Variants in TRAPPC11 observed in about 807,000 individuals in gnomAD.
TRAPPC11 encodes the protein trafficking protein particle complex subunit 11.
In TRAPPC11, 104 loss-of-function variants were observed where a neutral mutation model predicts 151.2. The observed-to-expected ratio is 0.69, with a 90% CI of 0.59 to 0.81. TRAPPC11 has a LOEUF of 0.81. Among genes scored for constraint, TRAPPC11 ranks in the 30% least tolerant of loss-of-function variants. The pLI is 0.00. For missense variants in TRAPPC11, 1,230 were observed against 1,349.6 expected (o/e 0.91, Z 1.39); for synonymous variants, 456 against 472.3 (o/e 0.97, Z 0.45).
At chr4:183,681,574 A>G (rs993532689) in intron 10 of TRAPPC11, among the ~76,000 whole-genome samples, 2 of 152,114 alleles carry the variant, frequency 1.3e-5, no homozygotes, top group African/African-American at 4.8e-5. Context: ...AGGTCAGGAG[A>G]TCGAGACCAT....
At chr4:183,685,440 A>G in intron 17 of TRAPPC11, 37 bp downstream of exon 17, 3 of 1,587,166 alleles carry the variant, frequency 1.9e-6, no homozygotes, top group Non-Finnish European at 1.7e-6. Context: ...TTTCAGAGAA[A>G]TTGTCTTATT....
intron 9 of TRAPPC11, 42 bp downstream of exon 9, chr4:183,679,528 A>C (rs375088318): frequency 6.5e-7 from 1 of 1,527,400 alleles, no homozygotes; most frequent in Non-Finnish European, 8.8e-7. Context: ...TAAAAATGAT[A>C]CATAGTATTT....
chr4:183,685,456 A>C (rs1399841717), intron 17 of TRAPPC11, 53 bp downstream of exon 17: 1 of 1,560,338 alleles, frequency 6.4e-7, no homozygotes, highest in Non-Finnish European at 8.8e-7. Flanking sequence ...TTATTTCTAC[A>C]AAATGAATAG....
Position 183,679,357 on chromosome 4 carries a change from G to A in TRAPPC11, c.836G>A (p.Cys279Tyr). The change falls in exon 9 of 30, where the codon TGT becomes TAT. Residue 279 changes from cysteine to tyrosine, a missense_variant. By Grantham distance (194) the Cys-to-Tyr change is radical (BLOSUM62 -2). Transcript: ENST00000334690. ...GATCAATTTTACATTTTGCAGATCT[G>A]TAGGCTGTGTTTTCAACACAACACC... Reference protein sequence around the residue: ...TMAGFINYKICRLCFQHNTPL... With the variant: ...TMAGFINYKIYRLCFQHNTPL... 1 of 1,605,012 alleles carries A rather than the reference G, an allele frequency of 6.2e-7. No individual in the cohort carries two copies. The highest frequency in any genetic ancestry group is 8.5e-7 in the Non-Finnish European group (1 of 1,176,490).
intron 11 of TRAPPC11, 31 bp from the exon 12 acceptor site, chr4:183,683,944 T>C (rs746271847): frequency 1.3e-6 from 2 of 1,566,400 alleles, no homozygotes; most frequent in East Asian, 2.2e-5. Flanking sequence ...AAATGAGCTG[T>C]CTAAAATGAG....
Position 183,712,709 on chromosome 4 carries a change from T to C in TRAPPC11, c.*65T>C, listed in dbSNP as rs1348843764. 1 of 1,502,204 alleles carries C rather than the reference T, an allele frequency of 6.7e-7. No individual in the cohort carries two copies. Among genetic ancestry groups the C allele is most frequent in the East Asian group, 2.3e-5 (1 of 44,358 alleles). 93.1% of individuals were successfully genotyped at this position (1,502,204 alleles called of 1,614,324 possible). ...GGGCAGAGCTATGCAGGTGTTTCAT[T>C]GTGAACTCTAGCTTTGATCATGGTA... On this transcript the variant is annotated 3_prime_UTR_variant, in exon 30 of 30. Coordinates refer to ENST00000334690, the MANE Select transcript of TRAPPC11 (RefSeq NM_021942.6).
intron 7 of TRAPPC11, 108 bp from the exon 8 acceptor site, chr4:183,677,350 G>T: frequency 1.4e-6 from 1 of 732,528 alleles, no homozygotes; most frequent in Non-Finnish European, 2.5e-6. Context: ...TTATTGAGCT[G>T]TTGAGCACTA....
intron 29 of TRAPPC11, among the ~76,000 whole-genome samples, chr4:183,712,245 G>A (rs975325705): frequency 6.6e-6 from 1 of 152,226 alleles, no homozygotes; most frequent in South Asian, 2.1e-4. Context: ...TGATAAACAA[G>A]GTTCCATTCC....
chr4:183,706,877 A>G lies in TRAPPC11; in HGVS notation c.3126A>G (p.Leu1042=). The G allele has an allele frequency of 6.2e-7, 1 of 1,614,162 alleles. No individual in the cohort carries two copies. Reference sequence around the variant, plus strand: ...ATCACCTACAGAATAAGACCGACTTAGTTCAAGATGTAGAAATTTCTGTGG... The same window carrying G: ...ATCACCTACAGAATAAGACCGACTTGGTTCAAGATGTAGAAATTTCTGTGG... The part of the protein sequence containing the change: ...VKYHLQNKTD[L]VQDVEISVEP... Residue 1042 remains leucine, a synonymous_variant, in exon 28 of 30, where the codon TTA becomes TTG. Coordinates refer to ENST00000334690, the MANE Select transcript of TRAPPC11 (RefSeq NM_021942.6).
rs138422408 is a variant in TRAPPC11, at chr4:183,670,525, AAAGC to A, written c.560+2411_560+2414del. On this transcript the variant is annotated intron_variant, in intron 5 of 29. Transcript: ENST00000334690. ...AGGTGACAGTTTAATAATGAGTAAG[AAAGC>A]AAATGCTTCTCAAAGGAAAGTTGTG... Among the ~76,000 whole-genome samples the A allele has an allele frequency of 7.1e-3, 1,079 of 152,358 alleles. 10 individuals are homozygous for A. Among genetic ancestry groups the A allele is most frequent in the African/African-American group, 0.025 (1,019 of 41,582 alleles).
At chr4:183,664,228 T>A (rs1332194390) in intron 2 of TRAPPC11, among the ~76,000 whole-genome samples, 157 bp downstream of exon 2, 2 of 152,206 alleles carry the variant, frequency 1.3e-5, no homozygotes, top group East Asian at 3.8e-4. Context: ...ACACTGCATG[T>A]ATATTTAATA....
chr4:183,697,573 G>A lies in TRAPPC11; in HGVS notation c.2694+5G>A. 1 of 1,604,462 alleles carries A rather than the reference G, an allele frequency of 6.2e-7. No homozygotes were observed. Among genetic ancestry groups the A allele is most frequent in the East Asian group, 2.2e-5 (1 of 44,828 alleles). On this transcript the variant is annotated splice_donor_5th_base_variant and intron_variant, in intron 24 of 29. Coordinates refer to ENST00000334690, the MANE Select transcript of TRAPPC11 (RefSeq NM_021942.6). ...GTTAAATTTGTTTCTACCAAGGTAT[G>A]TTTCTTTGAGGCATACTAGAAATCA...
chr4:183,695,030 C>T (rs1486882776), intron 23 of TRAPPC11, among the ~76,000 whole-genome samples: 4 of 150,346 alleles, frequency 2.7e-5, no homozygotes, highest in Non-Finnish European at 5.9e-5. Flanking sequence ...CTCACTGCGA[C>T]CTCCACCTCC....
At chr4:183,693,850 C>G in intron 21 of TRAPPC11, 67 bp from the exon 22 acceptor site, 1 of 1,598,930 alleles carries the variant, frequency 6.3e-7, no homozygotes. Context: ...GTGCTCTTCA[C>G]ACAGTATTGA....
At position 183,683,984 on chromosome 4, in the gene TRAPPC11, T is replaced by G. The variant is rs1053470527; in HGVS notation, c.1217T>G (p.Leu406Arg). ...GTCTCATCTTACGCAGGTTTTGATCTTTCTGATCCTGAAAAAGAAAAGGTG... is the reference window on the plus strand; with the variant it reads ...GTCTCATCTTACGCAGGTTTTGATCGTTCTGATCCTGAAAAAGAAAAGGTG... ...SWRQGILSFD[L>R]SDPEKEKVGI... Residue 406 changes from leucine to arginine, a missense_variant, in exon 12 of 30, where the codon CTT (leucine) becomes CGT (arginine). By Grantham distance (102) the Leu-to-Arg change is moderately radical (BLOSUM62 -2). Coordinates refer to ENST00000334690, the MANE Select transcript of TRAPPC11 (RefSeq NM_021942.6). 11 of 1,613,902 alleles carry G rather than the reference T, an allele frequency of 6.8e-6. No homozygotes were observed. The highest frequency in any genetic ancestry group is 6.7e-5 in the African/African-American group (5 of 74,932).
chr4:183,664,716 T>C (rs1362123520), intron 2 of TRAPPC11, among the ~76,000 whole-genome samples: 1 of 152,184 alleles, frequency 6.6e-6, no homozygotes, highest in Non-Finnish European at 1.5e-5. Context: ...TTTACTGTTT[T>C]AAGCAGTTTA....
At position 183,673,436 on chromosome 4, in the gene TRAPPC11, G is replaced by A. The variant is rs190845761; in HGVS notation, c.561-1277G>A. The stretch of plus-strand genomic sequence containing the variant: ...TGCCTGTAATCCCAATACTTTGGGA[G>A]ATCGAGGCATTTGGATCGTTTAAGT... On this transcript the variant is annotated intron_variant, in intron 5 of 29. Transcript: ENST00000334690. 2.4e-3 allele frequency among the ~76,000 whole-genome samples: 368 copies of A among 152,306 alleles called. 5 individuals carry two copies. Among genetic ancestry groups the A allele is most frequent in the South Asian group, 0.016 (77 of 4,824 alleles).
chr4:183,694,838 G>A, intron 23 of TRAPPC11, 115 bp downstream of exon 23: 1 of 1,034,854 alleles, frequency 9.7e-7, no homozygotes, highest in Non-Finnish European at 1.4e-6. Flanking sequence ...CTTATAGTCT[G>A]TTATAAATTT....
At chr4:183,671,023 C>G (rs140055780) in intron 5 of TRAPPC11, among the ~76,000 whole-genome samples, 1 of 152,146 alleles carries the variant, frequency 6.6e-6, no homozygotes, top group Non-Finnish European at 1.5e-5. Context: ...AGCCACCATG[C>G]CTGGCCTAAT....
Sources: allele counts gnomAD v4.1 joint callset (sites outside exome capture counted in the v4.1 genomes callset), GRCh38; gene constraint gnomAD v4.1.1; transcripts MANE v1.5; gene names NCBI Gene and HGNC (gene_info 2026-07-23, HGNC 2026-07-21).